SORCS3: variants seen among roughly 807,000 people sequenced by gnomAD.
SORCS3 encodes the protein sortilin related VPS10 domain containing receptor 3, also known as VPS10 domain-containing receptor SorCS3.
In SORCS3, 57 loss-of-function variants were observed where a neutral mutation model predicts 146.3. The observed-to-expected ratio is 0.39, with a 90% CI of 0.31 to 0.49. SORCS3 has a LOEUF of 0.49. SORCS3 is among the 20% of genes least tolerant of loss of function. The pLI is 0.92. For synonymous variants in SORCS3, 653 were observed against 618.5 expected (o/e 1.06, Z -0.83); for missense variants, 1,341 against 1,575.5 (o/e 0.85, Z 2.52).
intron 16 of SORCS3, among the ~76,000 whole-genome samples, chr10:105,205,930 G>A (rs2056599485): frequency 1.3e-5 from 2 of 152,198 alleles, no homozygotes; most frequent in South Asian, 4.1e-4. Context: ...GTCTTAGTAT[G>A]TATTACTGGC....
At chr10:104,921,469 ATAGT>A (rs1271574655) in intron 3 of SORCS3, among the ~76,000 whole-genome samples, 2 of 151,264 alleles carry the variant, frequency 1.3e-5, no homozygotes. Context: ...CCAAATTACT[ATAGT>A]TAGAGGTACA....
intron 1 of SORCS3, among the ~76,000 whole-genome samples, chr10:104,696,129 CAT>C (rs1405875835): frequency 1.9e-5 from 2 of 102,674 alleles, no homozygotes; most frequent in African/African-American, 4.0e-5. Context: ...TAATATATAT[CAT>C]ATACACATAT....
chr10:104,868,441 C>T (rs1307536488), intron 2 of SORCS3, among the ~76,000 whole-genome samples: 1 of 152,310 alleles, frequency 6.6e-6, no homozygotes, highest in East Asian at 1.9e-4. Flanking sequence ...TGGGACTACT[C>T]GCCTGCCACG....
At chr10:104,909,556 G>A (rs912497236) in intron 2 of SORCS3, among the ~76,000 whole-genome samples, 3 of 152,128 alleles carry the variant, frequency 2.0e-5, no homozygotes, top group Non-Finnish European at 2.9e-5. Flanking sequence ...GGGGCAAGAA[G>A]AGGAGAAGAA....
At chr10:104,879,957 G>A (rs2018614896) in intron 2 of SORCS3, among the ~76,000 whole-genome samples, 2 of 152,156 alleles carry the variant, frequency 1.3e-5, no homozygotes, top group African/African-American at 4.8e-5. Flanking sequence ...ATGGGATTGG[G>A]GTGGTGGAGG....
At chr10:104,907,153 G>GTGTC (rs1233248731) in intron 2 of SORCS3, among the ~76,000 whole-genome samples, 2 of 151,776 alleles carry the variant, frequency 1.3e-5, no homozygotes, top group African/African-American at 4.8e-5. Context: ...GTGTGTGTGT[G>GTGTC]TAATACACTC....
intron 4 of SORCS3, among the ~76,000 whole-genome samples, chr10:105,004,972 G>C (rs993546796): frequency 6.6e-6 from 1 of 152,144 alleles, no homozygotes; most frequent in African/African-American, 2.4e-5. Context: ...TATGGAAAGG[G>C]CATTTGATGT....
intron 5 of SORCS3, among the ~76,000 whole-genome samples, chr10:105,058,202 A>G (rs1359683583): frequency 6.6e-6 from 1 of 152,212 alleles, no homozygotes; most frequent in Non-Finnish European, 1.5e-5. Flanking sequence ...GAAGCATTGA[A>G]AAGGTCAGAC....
intron 4 of SORCS3, among the ~76,000 whole-genome samples, chr10:104,997,824 A>C (rs1397780836): frequency 1.3e-5 from 2 of 152,150 alleles, no homozygotes; most frequent in South Asian, 4.1e-4. Flanking sequence ...ATAATTGTAC[A>C]CAATGCTTGT....
chr10:105,024,460 T>C (rs1256273563), intron 4 of SORCS3, among the ~76,000 whole-genome samples: 1 of 152,126 alleles, frequency 6.6e-6, no homozygotes, highest in Non-Finnish European at 1.5e-5. Context: ...TCAGGGTTAT[T>C]AGTTTTAGAA....
At chr10:105,091,723 A>T (rs574200894) in intron 6 of SORCS3, among the ~76,000 whole-genome samples, 2 of 152,142 alleles carry the variant, frequency 1.3e-5, no homozygotes, top group Non-Finnish European at 2.9e-5. Context: ...TACTGATCAT[A>T]AGGGTGGTGG....
chr10:104,856,092 C>T (rs1336320390), intron 2 of SORCS3, among the ~76,000 whole-genome samples: 1 of 152,096 alleles, frequency 6.6e-6, no homozygotes, highest in Non-Finnish European at 1.5e-5. Context: ...TTTCTGAATG[C>T]ATCAGGAAAC....
intron 21 of SORCS3, among the ~76,000 whole-genome samples, chr10:105,246,696 G>T (rs910136252): frequency 6.6e-6 from 1 of 152,220 alleles, no homozygotes; most frequent in African/African-American, 2.4e-5. Context: ...ACAGAAGCGT[G>T]CAGGGCACAA....
At chr10:105,054,783 T>A (rs2055435581) in intron 5 of SORCS3, among the ~76,000 whole-genome samples, 1 of 152,186 alleles carries the variant, frequency 6.6e-6, no homozygotes, top group Admixed American at 6.6e-5. Context: ...GAACACATTG[T>A]GTTTAATCGT....
At chr10:104,986,732 TAGG>T (rs1396378248) in intron 4 of SORCS3, among the ~76,000 whole-genome samples, 1 of 152,168 alleles carries the variant, frequency 6.6e-6, no homozygotes, top group African/African-American at 2.4e-5. Context: ...GGGAGAGAGA[TAGG>T]AGAATTGTCA....
At chr10:104,812,511 C>T (rs1213173752) in intron 1 of SORCS3, among the ~76,000 whole-genome samples, 1 of 152,164 alleles carries the variant, frequency 6.6e-6, no homozygotes, top group Admixed American at 6.5e-5. Context: ...TTCCAGCTGG[C>T]GATTCCAAAA....
chr10:104,693,771 A>T (rs1378916208), intron 1 of SORCS3, among the ~76,000 whole-genome samples: 1 of 152,118 alleles, frequency 6.6e-6, no homozygotes, highest in East Asian at 1.9e-4. Context: ...GTCAGTCCCT[A>T]GGTTGGAAAC....
At chr10:105,027,963 G>T (rs1007502966) in intron 4 of SORCS3, among the ~76,000 whole-genome samples, 1 of 152,102 alleles carries the variant, frequency 6.6e-6, no homozygotes, top group Non-Finnish European at 1.5e-5. Context: ...AAACAATGTC[G>T]CATATTGATT....
chr10:104,779,715 A>C, intron 1 of SORCS3, among the ~76,000 whole-genome samples: 1 of 152,088 alleles, frequency 6.6e-6, no homozygotes, highest in East Asian at 1.9e-4. Context: ...CACGTGGTGC[A>C]GTGGCTTCTG....
Sources: gnomAD v4.1 joint callset for allele counts (sites outside exome capture counted in the v4.1 genomes callset) on GRCh38, gnomAD v4.1.1 for gene constraint, MANE v1.5 for transcripts, NCBI Gene and HGNC (gene_info 2026-07-23, HGNC 2026-07-21) for gene names.